Variants in GPD2 observed in about 807,000 individuals in gnomAD.
The protein encoded by GPD2 is glycerol-3-phosphate dehydrogenase 2, also known as glycerol-3-phosphate dehydrogenase, mitochondrial.
Under a neutral mutation model 82.4 loss-of-function variants are expected in GPD2, and 54 were observed. The ratio of observed to expected loss-of-function variants is 0.66; its 90% CI spans 0.53 to 0.82. The LOEUF (loss-of-function observed/expected upper bound fraction) is 0.82, where lower values mean the gene tolerates loss of function less well. Ranked by LOEUF, GPD2 falls within the 40% of genes least tolerant of loss-of-function variation. The pLI, the probability that GPD2 is intolerant of heterozygous loss-of-function variation, is 0.00. For synonymous variants in GPD2, 288 were observed against 306.1 expected (o/e 0.94, Z 0.62); for missense variants, 748 against 896.2 (o/e 0.83, Z 2.11).
intron 9 of GPD2, among the ~76,000 whole-genome samples, chr2:156,561,046 T>TTTTTTTTTTTTG: frequency 1.7e-5 from 2 of 116,754 alleles, no homozygotes; most frequent in African/African-American, 3.3e-5. Context: ...TAAGCTTTTT[T>TTTTTTTTTTTTG]TTTTTTTTTT....
chr2:156,496,379 TCCCTC>T (rs1326159628), intron 3 of GPD2, among the ~76,000 whole-genome samples, 164 bp downstream of exon 3: 1 of 152,094 alleles, frequency 6.6e-6, no homozygotes, highest in Non-Finnish European at 1.5e-5. Flanking sequence ...CCTGATGCTC[TCCCTC>T]CCCCTGCCCC....
At chr2:156,522,505 T>A (rs1004286894) in intron 6 of GPD2, among the ~76,000 whole-genome samples, 1 of 152,198 alleles carries the variant, frequency 6.6e-6, no homozygotes, top group Admixed American at 6.5e-5. Context: ...AGGCAGAAGC[T>A]ATTGTATCAA....
At chr2:156,422,852 C>T in the GPD2 span, among the ~76,000 whole-genome samples, 1 of 152,006 alleles carries the variant, frequency 6.6e-6, no homozygotes, top group Non-Finnish European at 1.5e-5. Flanking sequence ...ATTTACAGGA[C>T]ATTATATTGA....
chr2:156,533,583 G>T (rs533696659), intron 6 of GPD2, among the ~76,000 whole-genome samples: 9 of 152,300 alleles, frequency 5.9e-5, no homozygotes, highest in African/African-American at 1.9e-4. Flanking sequence ...CAAGATAAGA[G>T]AAAACTTCCT....
At chr2:156,416,961 C>CATTTAA in the GPD2 span, among the ~76,000 whole-genome samples, 4 of 152,098 alleles carry the variant, frequency 2.6e-5, no homozygotes, top group Non-Finnish European at 2.9e-5. Flanking sequence ...ACTCAAGAAT[C>CATTTAA]ATTTAAATTT....
At chr2:156,415,124 TC>T in the GPD2 span, among the ~76,000 whole-genome samples, 1 of 149,348 alleles carries the variant, frequency 6.7e-6, no homozygotes, top group Admixed American at 6.7e-5. Flanking sequence ...CCCACCCTTT[TC>T]CCCCAAATCC....
the GPD2 span, among the ~76,000 whole-genome samples, chr2:156,429,387 T>G: frequency 2.6e-5 from 4 of 152,250 alleles, no homozygotes; most frequent in Non-Finnish European, 4.4e-5. Flanking sequence ...TTACCCACAC[T>G]TTCCTGCTGT....
At chr2:156,426,903 G>A in the GPD2 span, among the ~76,000 whole-genome samples, 11 of 152,180 alleles carry the variant, frequency 7.2e-5, no homozygotes, top group Admixed American at 5.9e-4. Context: ...GATGCAGATT[G>A]GGCTTTCCAG....
In GPD2 at chr2:156,476,119, A is replaced by G; in HGVS notation, c.14A>G (p.Lys5Arg). Residue 5 changes from lysine to arginine, a missense_variant, in exon 2 of 17, where the codon AAG (lysine) becomes AGG (arginine). Lys to Arg is a conservative substitution (Grantham distance 26). Around this residue, in one of 3 missense-constraint regions of GPD2, gnomAD observed 692 missense variants for 809.7 expected, o/e 0.85. Coordinates refer to ENST00000438166, the MANE Select transcript of GPD2 (RefSeq NM_000408.5). Reference sequence around the variant, plus strand: ...GTAGGCTAAGAAATGGCATTTCAAAAGGCAGTGAAAGGGACGATTCTTGTT... The same window carrying G: ...GTAGGCTAAGAAATGGCATTTCAAAGGGCAGTGAAAGGGACGATTCTTGTT... Reference protein sequence around the residue: MAFQKAVKGTILVGG... With the variant: MAFQRAVKGTILVGG... 6.3e-7 allele frequency: 1 copy of G among 1,598,490 alleles called. No homozygotes were observed. Among genetic ancestry groups the G allele is most frequent in the Non-Finnish European group, 8.6e-7 (1 of 1,165,934 alleles).
In GPD2 at chr2:156,456,957, G is replaced by A. The variant is rs551783879; in HGVS notation, c.-8-19141G>A. Among the ~76,000 whole-genome samples the A allele has an allele frequency of 8.1e-4, 123 of 152,184 alleles. 1 individual carries two copies. Among genetic ancestry groups the A allele is most frequent in the African/African-American group, 2.8e-3 (117 of 41,520 alleles). On this transcript the variant is annotated intron_variant, in intron 1 of 16. Transcript: ENST00000438166. ...ACTTGAGATGGGATCACTGACCCTC[G>A]TTCCCCAGTTCTCATTGTAAGGTTA...
intron 2 of GPD2, among the ~76,000 whole-genome samples, chr2:156,487,077 G>T (rs957581598): frequency 6.6e-6 from 1 of 152,104 alleles, no homozygotes; most frequent in Non-Finnish European, 1.5e-5. Flanking sequence ...ATGCCAAGGC[G>T]GGCAGATCAC....
intron 5 of GPD2, 56 bp downstream of exon 5, chr2:156,512,373 C>A: frequency 1.2e-6 from 1 of 845,980 alleles, no homozygotes; most frequent in Non-Finnish European, 2.1e-6. Context: ...AATAGAACAA[C>A]AGTTTTAATG....
intron 6 of GPD2, among the ~76,000 whole-genome samples, chr2:156,540,781 G>T (rs1229185690): frequency 6.6e-6 from 1 of 152,126 alleles, no homozygotes; most frequent in African/African-American, 2.4e-5. Flanking sequence ...ACAGAAAAAA[G>T]AATCTTATTT....
intron 6 of GPD2, among the ~76,000 whole-genome samples, chr2:156,524,185 T>C (rs926180221): frequency 8.5e-5 from 13 of 152,082 alleles, no homozygotes; most frequent in Admixed American, 7.2e-4. Flanking sequence ...ATTCATTCTT[T>C]TTTAACTGAT....
intron 1 of GPD2, among the ~76,000 whole-genome samples, chr2:156,439,540 C>CAA (rs869250333): frequency 1.4e-5 from 1 of 71,282 alleles, no homozygotes; most frequent in Non-Finnish European, 2.7e-5. Context: ...AAAAAAAAAA[C>CAA]AAAAAAAAAA....
At chr2:156,519,460 G>GA (rs1017701160) in intron 6 of GPD2, among the ~76,000 whole-genome samples, 1 of 152,102 alleles carries the variant, frequency 6.6e-6, no homozygotes, top group Non-Finnish European at 1.5e-5. Flanking sequence ...TGTATTTAAA[G>GA]AAAATTTTCA....
At chr2:156,429,479 A>G in the GPD2 span, among the ~76,000 whole-genome samples, 1 of 152,190 alleles carries the variant, frequency 6.6e-6, no homozygotes, top group African/African-American at 2.4e-5. Flanking sequence ...TTTCAGTGCT[A>G]CCCTGTCCCA....
chr2:156,476,071 C>T (rs1023857193), intron 1 of GPD2, 27 bp from the exon 2 acceptor site: 5 of 1,193,850 alleles, frequency 4.2e-6, no homozygotes, highest in Non-Finnish European at 2.5e-6. Flanking sequence ...CAATTAACTT[C>T]TTTTTGTTTC....
At chr2:156,424,618 G>A in the GPD2 span, among the ~76,000 whole-genome samples, 1 of 152,200 alleles carries the variant, frequency 6.6e-6, no homozygotes, top group Non-Finnish European at 1.5e-5. Flanking sequence ...TTGAAGACTA[G>A]ATGTGAGCTC....
Sources: allele counts gnomAD v4.1 joint callset (sites outside exome capture counted in the v4.1 genomes callset), GRCh38; gene constraint gnomAD v4.1.1; regional missense constraint gnomAD v4.1.1; transcripts MANE v1.5; gene names NCBI Gene and HGNC (gene_info 2026-07-23, HGNC 2026-07-21).